FGF5: variants seen among roughly 807,000 people sequenced by gnomAD.
FGF5 encodes the protein fibroblast growth factor 5, also known as heparin-binding growth factor 5.
In FGF5, 23 loss-of-function variants were observed where a neutral mutation model predicts 21.8. The ratio of observed to expected loss-of-function variants is 1.05; its 90% confidence interval spans 0.76 to 1.49. The LOEUF (loss-of-function observed/expected upper bound fraction) is 1.49, where lower values mean the gene tolerates loss of function less well. Among genes scored for constraint, FGF5 ranks in the 40% most tolerant of loss-of-function variants. FGF5 has a pLI of 0.00. For synonymous variants in FGF5, 158 were observed against 124.0 expected (o/e 1.27, Z -1.82); for missense variants, 352 against 332.9 (o/e 1.06, Z -0.45).
Position 80,286,632 on chromosome 4 carries a change from C to G in FGF5, c.767C>G (p.Thr256Ser). The G allele has an allele frequency of 1.7e-5, 27 of 1,614,002 alleles. No homozygotes were observed. The highest frequency in any genetic ancestry group is 2.3e-5 in the Non-Finnish European group (27 of 1,179,944). Residue 256 changes from threonine (T) to serine (S), a missense_variant, in exon 3 of 3, where the codon ACC becomes AGC. Coordinates refer to ENST00000312465, the MANE Select transcript of FGF5 (RefSeq NM_004464.4). ...KIPLSAPRKNTNSVKYRLKFR... is the reference protein window; with the variant it reads ...KIPLSAPRKNSNSVKYRLKFR... ...CCCCTTTCTGCACCTCGGAAAAATA[C>G]CAACTCAGTGAAATACAGACTCAAG... is the stretch of plus-strand genomic sequence containing the variant.
chr4:80,266,591 G>A, upstream of FGF5: 1 of 483,136 alleles, frequency 2.1e-6, no homozygotes, highest in Non-Finnish European at 3.6e-6. Context: ...CGGGTGAGGG[G>A]AAGCTTCGCA....
In FGF5 at chr4:80,288,117, A is replaced by T. The variant is rs892655078; in HGVS notation, c.*1445A>T. On this transcript the variant is annotated 3_prime_UTR_variant, in exon 3 of 3. Coordinates refer to ENST00000312465, the MANE Select transcript of FGF5 (RefSeq NM_004464.4). ...AAAGGCATAGCTAAAGGCTAAACATATGGCTTTAGTAGTAACAAAAGGGTT... is the reference window on the plus strand; with the variant it reads ...AAAGGCATAGCTAAAGGCTAAACATTTGGCTTTAGTAGTAACAAAAGGGTT... 7 of 152,182 alleles carry T rather than the reference A, an allele frequency of 4.6e-5. No individual in the cohort carries two copies. The highest frequency in any genetic ancestry group is 4.6e-4 in the Admixed American group (7 of 15,264). 9.4% of individuals were successfully genotyped at this position (152,182 alleles called of 1,614,324 possible).
chr4:80,286,031 C>A (rs1720705682), intron 2 of FGF5, among the ~76,000 whole-genome samples: 1 of 152,056 alleles, frequency 6.6e-6, no homozygotes, highest in Non-Finnish European at 1.5e-5. Context: ...ACAATAGTAA[C>A]AGGGTTTAAA....
rs33946030 is a variant in FGF5 at position 80,287,081 on chromosome 4, GTTTT to G, written c.*415_*418del. Reference sequence around the variant, plus strand: ...CAGATAAAATATTTTGTTAACTTTTGTTTTTTTTTGTTTGTTTTCTTAAAAGTAC... The same window carrying G: ...CAGATAAAATATTTTGTTAACTTTTGTTTTTGTTTGTTTTCTTAAAAGTAC... On this transcript the variant is annotated 3_prime_UTR_variant, in exon 3 of 3. Transcript: ENST00000312465. 1.3e-5 allele frequency: 2 copies of G among 154,772 alleles called. No homozygotes were observed. 9.6% of individuals were successfully genotyped at this position (154,772 alleles called of 1,614,324 possible).
Position 80,286,565 on chromosome 4 carries a change from C to G in FGF5, c.700C>G (p.Pro234Ala), listed in dbSNP as rs540044631. The G allele has an allele frequency of 6.8e-6, 11 of 1,614,018 alleles. No individual in the cohort carries two copies. In the East Asian group the frequency reaches 2.2e-4, roughly 33 times the overall value. ...QPELSFTVTV[P>A]EKKKPPSPIK... ...AGAACTTTCTTTCACGGTTACTGTT[C>G]CTGAAAAGAAAAAGCCACCTAGCCC... Residue 234 changes from proline to alanine, a missense_variant, in exon 3 of 3, where the codon CCT becomes GCT. Transcript: ENST00000312465.
At position 80,266,884 on chromosome 4, in the gene FGF5, TC is replaced by T. The variant is rs1720103013; in HGVS notation, c.61del (p.His21ThrfsTer98). 5 of 1,613,084 alleles carry T rather than the reference TC, an allele frequency of 3.1e-6. No individual in the cohort carries two copies. Among genetic ancestry groups the T allele is most frequent in the Non-Finnish European group, 3.4e-6 (4 of 1,179,554 alleles). ...FSHLILSAWA[H>X]GEKRLAPKGQ... ...GCCACCTGATCCTCAGCGCCTGGGC[TC>T]ACGGGGAGAAGCGTCTCGCCCCCAA... On this transcript the variant is annotated frameshift_variant, in exon 1 of 3. Transcript: ENST00000312465. LOFTEE classifies it high-confidence loss of function.
At position 80,286,915 on chromosome 4, in the gene FGF5, T is replaced by C. The variant is rs932240570; in HGVS notation, c.*243T>C. The C allele has an allele frequency of 5.0e-6, 2 of 402,934 alleles. No individual in the cohort carries two copies. The highest frequency in any genetic ancestry group is 8.9e-6 in the Non-Finnish European group (2 of 224,982). The allele number at this position is 402,934 out of a possible 1,614,324, so 25.0% of individuals were successfully genotyped here. The stretch of plus-strand genomic sequence containing the variant: ...CAGCAAGACATAAAGCCTTTTGCTT[T>C]ATGCTTGAGGGATATTTAGAACTTT... On this transcript the variant is annotated 3_prime_UTR_variant, in exon 3 of 3. Coordinates refer to ENST00000312465, the MANE Select transcript of FGF5 (RefSeq NM_004464.4).
rs570784293 is a variant in FGF5, at chr4:80,273,500, T to C, written c.356-1409T>C. ...ACATATATTTATAAAATATTTCTTG[T>C]TTTTGGTAAACAGAATAATTTTATA... On this transcript the variant is annotated intron_variant, in intron 1 of 2. Transcript: ENST00000312465. Among the ~76,000 whole-genome samples, 52 of 152,274 alleles carry C rather than the reference T, an allele frequency of 3.4e-4. 1 individual carries two copies. The highest frequency in any genetic ancestry group is 1.3e-3 in the African/African-American group (52 of 41,572).
chr4:80,288,866 G>A lies in FGF5; in HGVS notation c.*2194G>A, dbSNP rs1720817448. 2 of 152,522 alleles carry A rather than the reference G, an allele frequency of 1.3e-5. No homozygotes were observed. Among genetic ancestry groups the A allele is most frequent in the African/African-American group, 2.4e-5 (1 of 41,414 alleles). 9.4% of individuals were successfully genotyped at this position (152,522 alleles called of 1,614,324 possible). A position where few individuals can be genotyped will look rare whatever the true frequency, so the allele number is the denominator to read the frequency against. On this transcript the variant is annotated 3_prime_UTR_variant, in exon 3 of 3. Transcript: ENST00000312465. ...ATTTGATTAGCATATTAACGTGAAA[G>A]TAGGATAGCTACTAAATATATATTA...
At chr4:80,279,908 G>A (rs1213604691) in intron 2 of FGF5, among the ~76,000 whole-genome samples, 2 of 152,206 alleles carry the variant, frequency 1.3e-5, no homozygotes, top group Admixed American at 1.3e-4. Context: ...TGCTTGATCA[G>A]TCCTAAGCAA....
At chr4:80,281,242 G>A (rs1720545328) in intron 2 of FGF5, among the ~76,000 whole-genome samples, 1 of 152,004 alleles carries the variant, frequency 6.6e-6, no homozygotes, top group African/African-American at 2.4e-5. Context: ...CTGAGTTTAG[G>A]GTACCTGTCC....
intron 1 of FGF5, among the ~76,000 whole-genome samples, chr4:80,267,711 T>C (rs1050953150): frequency 7.7e-6 from 1 of 129,378 alleles, no homozygotes; most frequent in African/African-American, 3.7e-5. Context: ...TATAAGTCTA[T>C]GTATACAATG....
intron 2 of FGF5, among the ~76,000 whole-genome samples, chr4:80,277,566 C>T (rs1371631046): frequency 6.6e-6 from 1 of 152,070 alleles, no homozygotes; most frequent in African/African-American, 2.4e-5. Flanking sequence ...TCTAGTTAAA[C>T]ATGCTGGGAA....
intron 2 of FGF5, among the ~76,000 whole-genome samples, chr4:80,277,199 T>C (rs1720437468): frequency 6.6e-6 from 1 of 152,184 alleles, no homozygotes; most frequent in African/African-American, 2.4e-5. Context: ...ACAGCATCTG[T>C]TATTCTTTCT....
At chr4:80,283,686 T>C (rs1720632136) in intron 2 of FGF5, among the ~76,000 whole-genome samples, 1 of 152,018 alleles carries the variant, frequency 6.6e-6, no homozygotes, top group Non-Finnish European at 1.5e-5. Flanking sequence ...AGTAAAGCAA[T>C]CACCGCTGTT....
chr4:80,272,475 A>G (rs1720296497), intron 1 of FGF5, among the ~76,000 whole-genome samples: 2 of 152,162 alleles, frequency 1.3e-5, no homozygotes, highest in Admixed American at 1.3e-4. Context: ...CTTTGTTTAA[A>G]GAGAGAATGA....
At chr4:80,268,319 C>CAT (rs1309361269) in intron 1 of FGF5, 7 of 235,708 alleles carry the variant, frequency 3.0e-5, no homozygotes. Flanking sequence ...GGCAGAGCCC[C>CAT]AGCCAGGGCC....
At chr4:80,278,436 T>C (rs1218263882) in intron 2 of FGF5, among the ~76,000 whole-genome samples, 2 of 152,154 alleles carry the variant, frequency 1.3e-5, no homozygotes. Flanking sequence ...AGAGGGGATG[T>C]GTCTGCCACA....
At chr4:80,281,578 T>C (rs140579124) in intron 2 of FGF5, among the ~76,000 whole-genome samples, 106 of 152,276 alleles carry the variant, frequency 7.0e-4, no homozygotes, top group African/African-American at 2.3e-3. Context: ...CTGGTGTCTG[T>C]TCAAATTCAC....
Sources: gnomAD v4.1 joint callset for allele counts (sites outside exome capture counted in the v4.1 genomes callset) on GRCh38, gnomAD v4.1.1 for gene constraint, MANE v1.5 for transcripts, NCBI Gene and HGNC (gene_info 2026-07-23, HGNC 2026-07-21) for gene names.